Variants in KDR observed in about 807,000 individuals in gnomAD.
KDR encodes kinase insert domain receptor, also known as vascular endothelial growth factor receptor 2.
KDR carries 43 observed loss-of-function variants against 160.9 expected under a neutral mutation model. The observed-to-expected ratio is 0.27, with a 90% CI of 0.21 to 0.34. The LOEUF (loss-of-function observed/expected upper bound fraction) is 0.34, where lower values mean the gene tolerates loss of function less well. Among genes scored for constraint, KDR ranks in the 10% least tolerant of loss-of-function variants. The pLI, the probability that KDR is intolerant of heterozygous loss-of-function variation, is 1.00. For missense variants in KDR, 1,469 were observed against 1,666.4 expected (o/e 0.88, Z 2.06); for synonymous variants, 617 against 600.1 (o/e 1.03, Z -0.41).
At chr4:55,085,460 A>T (rs1197254536) in intron 27 of KDR, among the ~76,000 whole-genome samples, 2 of 152,236 alleles carry the variant, frequency 1.3e-5, no homozygotes, top group African/African-American at 4.8e-5. Flanking sequence ...ACTTGGCCAG[A>T]AATGCGTAAG....
chr4:55,123,531 C>T (rs1014814747), intron 1 of KDR, among the ~76,000 whole-genome samples: 1 of 152,148 alleles, frequency 6.6e-6, no homozygotes, highest in African/African-American at 2.4e-5. Flanking sequence ...TCTAGAGACA[C>T]GTTTACAACA....
intron 2 of KDR, among the ~76,000 whole-genome samples, chr4:55,120,769 C>T (rs891559261): frequency 5.9e-5 from 9 of 151,958 alleles, no homozygotes; most frequent in African/African-American, 2.2e-4. Context: ...TTTATTCATT[C>T]ATATTTATTG....
At position 55,110,405 on chromosome 4, in the gene KDR, T is replaced by G. The variant is rs779812906; in HGVS notation, c.1253A>C (p.Tyr418Ser). Reference sequence around the variant, plus strand: ...AGAGGAAAATTGAATGGACTCACCATACACAACCAGAGAGACCACATGGCT... The same window carrying G: ...AGAGGAAAATTGAATGGACTCACCAGACACAACCAGAGAGACCACATGGCT... The part of the protein sequence containing the change: ...KQSHVVSLVV[Y>S]VPPQIGEKSL... Residue 418 changes from tyrosine (Y) to serine (S), a missense_variant and splice_region_variant, in exon 9 of 30, where the codon TAT becomes TCT. Around this residue, in one of 7 missense-constraint regions of KDR, gnomAD observed 792 missense variants for 840.9 expected, o/e 0.94. Transcript: ENST00000263923. 1 of 1,613,862 alleles carries G rather than the reference T, an allele frequency of 6.2e-7. No homozygotes were observed. The highest frequency in any genetic ancestry group is 8.5e-7 in the Non-Finnish European group (1 of 1,179,914).
At chr4:55,123,846 T>C (rs1420080731) in intron 1 of KDR, among the ~76,000 whole-genome samples, 1 of 152,176 alleles carries the variant, frequency 6.6e-6, no homozygotes, top group Non-Finnish European at 1.5e-5. Flanking sequence ...TGGCACCAAT[T>C]ACAGCCCAAT....
chr4:55,091,881 G>T (rs1301821490), intron 22 of KDR, among the ~76,000 whole-genome samples: 1 of 152,132 alleles, frequency 6.6e-6, no homozygotes, highest in Admixed American at 6.5e-5. Context: ...ACAACCTTTG[G>T]AATAGTTGTA....
rs2110015326 is a variant in KDR, at chr4:55,094,929, C to T, written c.2844G>A (p.Gly948=). ...YKTKGARFRQ[G]KDYVGAIPVD... is the part of the protein sequence containing the mutation. ...CAGGGATTGCTCCAACGTAGTCTTT[C>T]CCTTGACGGAATCGTGCCCCTTTGG... The change falls in exon 21 of 30, where the codon GGG becomes GGA. Residue 948 remains glycine (G), a synonymous_variant. Coordinates refer to ENST00000263923, the MANE Select transcript of KDR (RefSeq NM_002253.4). 1 of 1,613,962 alleles carries T rather than the reference C, an allele frequency of 6.2e-7. No homozygotes were observed. Among genetic ancestry groups the T allele is most frequent in the Non-Finnish European group, 8.5e-7 (1 of 1,179,900 alleles).
In KDR at chr4:55,106,782, G is replaced by T; in HGVS notation, c.1441C>A (p.Pro481Thr). The part of the protein sequence containing the change: ...SQAVSVTNPY[P>T]CEEWRSVEDF... ...TCCACACTTCTCCATTCTTCACAAG[G>T]GTATGGGTTTGTCACTGAGACAGCT... The change falls in exon 11 of 30, where the codon CCT becomes ACT. Residue 481 changes from proline (P) to threonine (T), a missense_variant. Pro to Thr is a conservative substitution (Grantham distance 38). This residue lies in a region of KDR where 792 missense variants were observed against 840.9 expected (regional missense o/e 0.94). Transcript: ENST00000263923. 6.2e-7 allele frequency: 1 copy of T among 1,604,576 alleles called. No homozygotes were observed. Among genetic ancestry groups the T allele is most frequent in the South Asian group, 1.1e-5 (1 of 90,926 alleles).
chr4:55,079,682 G>T lies in KDR; in HGVS notation c.*259C>A, dbSNP rs1286727313. On this transcript the variant is annotated 3_prime_UTR_variant, in exon 30 of 30. Transcript: ENST00000263923. Reference sequence around the variant, plus strand: ...AACCCATGGTGAGACCCGCAGCAGGGGGCATGATAAATGCTTTTTAAATGA... The same window carrying T: ...AACCCATGGTGAGACCCGCAGCAGGTGGCATGATAAATGCTTTTTAAATGA... The T allele has an allele frequency of 7.4e-6, 4 of 539,102 alleles. No homozygotes were observed. The highest frequency in any genetic ancestry group is 1.3e-5 in the Non-Finnish European group (4 of 299,488). 33.4% of individuals were successfully genotyped at this position (539,102 alleles called of 1,614,324 possible).
chr4:55,095,056 C>G (rs1720117986), intron 20 of KDR, 101 bp from the exon 21 acceptor site: 1 of 1,183,868 alleles, frequency 8.4e-7, no homozygotes, highest in African/African-American at 1.5e-5. Flanking sequence ...ATAATTGAAA[C>G]TACTAAAAAG....
chr4:55,089,865 C>T (rs2110011299), intron 23 of KDR, 63 bp from the exon 24 acceptor site: 2 of 1,605,272 alleles, frequency 1.2e-6, no homozygotes, highest in Non-Finnish European at 1.7e-6. Context: ...AAAAAAACTT[C>T]CTCTGTTCCT....
intron 25 of KDR, 102 bp from the exon 26 acceptor site, chr4:55,089,075 A>G: frequency 2.4e-6 from 2 of 830,352 alleles, no homozygotes; most frequent in Admixed American, 2.0e-5. Context: ...TGACGAGGTG[A>G]GATGCTAAAT....
chr4:55,112,257 C>G (rs1720606196), intron 7 of KDR, among the ~76,000 whole-genome samples: 1 of 152,124 alleles, frequency 6.6e-6, no homozygotes, highest in South Asian at 2.1e-4. Flanking sequence ...TCCTCTTCCC[C>G]CTTTTCCTCA....
At position 55,114,265 on chromosome 4, in the gene KDR, C is replaced by T. The variant is rs1720676359; in HGVS notation, c.659G>A (p.Gly220Glu). The T allele has an allele frequency of 6.2e-7, 1 of 1,613,542 alleles. No individual in the cohort carries two copies. Among genetic ancestry groups the T allele is most frequent in the Non-Finnish European group, 8.5e-7 (1 of 1,179,722 alleles). The change falls in exon 6 of 30, where the codon GGG becomes GAG. Residue 220 changes from glycine to glutamate, a missense_variant and splice_region_variant. By Grantham distance (98) the Gly-to-Glu change is moderately conservative. Transcript: ENST00000263923. Reference protein sequence around the residue: ...QSIMYIVVVVGYRIYDVVLSP... With the variant: ...QSIMYIVVVVEYRIYDVVLSP... ...CAGAACCACATCATAAATCCTATAC[C>T]CTAGAGCAAGTAAATTGAAAAAACA...
chr4:55,106,867 A>C, intron 10 of KDR, 57 bp from the exon 11 acceptor site: 1 of 1,419,118 alleles, frequency 7.0e-7, no homozygotes, highest in Non-Finnish European at 1.0e-6. Context: ...AATTAGAGTC[A>C]AGAGTAAGGA....
chr4:55,090,080 T>C lies in KDR; in HGVS notation c.3070-2A>G. 1 of 1,613,992 alleles carries C rather than the reference T, an allele frequency of 6.2e-7. No homozygotes were observed. The highest frequency in any genetic ancestry group is 8.5e-7 in the Non-Finnish European group (1 of 1,179,904). ...TGCCGCCAGGTCCCTGTGGATACAC[T>C]GCAAAGAGAATCATGTGTGCATTAG... On this transcript the variant is annotated splice_acceptor_variant, in intron 22 of 29. Transcript: ENST00000263923. LOFTEE classifies it high-confidence loss of function.
chr4:55,118,062 G>C (rs1720777452), intron 3 of KDR, among the ~76,000 whole-genome samples: 2 of 152,136 alleles, frequency 1.3e-5, no homozygotes, highest in African/African-American at 4.8e-5. Context: ...AAGAAACATT[G>C]TCCTGAAAAG....
chr4:55,124,195 A>AT, intron 1 of KDR, among the ~76,000 whole-genome samples: 1 of 151,576 alleles, frequency 6.6e-6, no homozygotes, highest in Non-Finnish European at 1.5e-5. Context: ...GGAGTAAGAA[A>AT]TTTTTTTCCC....
At chr4:55,089,180 G>T (rs1719943846) in intron 25 of KDR, among the ~76,000 whole-genome samples, 194 bp downstream of exon 25, 2 of 152,084 alleles carry the variant, frequency 1.3e-5, no homozygotes, top group African/African-American at 2.4e-5. Flanking sequence ...AAAACTAACT[G>T]GTTGCTTTGA....
At position 55,107,760 on chromosome 4, in the gene KDR, C is replaced by T. The variant is rs770839370; in HGVS notation, c.1389G>A (p.Glu463=). The change falls in exon 10 of 30, where the codon GAG becomes GAA. Residue 463 remains glutamate, a synonymous_variant. Transcript: ENST00000263923. ...ACCTGGGCTCGTTGGCGCACTCTTC[C>T]TCCAACTGCCAATACCAGTGGATGT... The part of the protein sequence containing the change: ...PHHIHWYWQL[E]EECANEPSQA... 6.2e-7 allele frequency: 1 copy of T among 1,613,972 alleles called. No homozygotes were observed. The highest frequency in any genetic ancestry group is 8.5e-7 in the Non-Finnish European group (1 of 1,179,894).
Sources: allele counts gnomAD v4.1 joint callset (sites outside exome capture counted in the v4.1 genomes callset), GRCh38; gene constraint gnomAD v4.1.1; regional missense constraint gnomAD v4.1.1; transcripts MANE v1.5; gene names NCBI Gene and HGNC (gene_info 2026-07-23, HGNC 2026-07-21).